FAM219A: variants seen among roughly 807,000 people sequenced by gnomAD.
FAM219A encodes the protein family with sequence similarity 219 member A.
Under a neutral mutation model 23.4 loss-of-function variants are expected in FAM219A, and 7 were observed. The observed-to-expected ratio is 0.30, with a 90% CI of 0.17 to 0.56. The LOEUF is 0.56. Among genes scored for constraint, FAM219A ranks in the 20% least tolerant of loss-of-function variants. The pLI is 0.92. For synonymous variants in FAM219A, 93 were observed against 99.0 expected, an observed-to-expected ratio of 0.94 and a Z score of 0.36; for missense variants, 166 against 246.9, an observed-to-expected ratio of 0.67 and a Z score of 2.20.
chr9:34,425,650 T>C (rs1008101314), intron 1 of FAM219A, among the ~76,000 whole-genome samples: 1 of 152,228 alleles, frequency 6.6e-6, no homozygotes, highest in African/African-American at 2.4e-5. Context: ...TTCTGTCTCC[T>C]GCATGCAAAC....
intron 1 of FAM219A, among the ~76,000 whole-genome samples, chr9:34,426,281 CTA>C (rs1172281552): frequency 6.6e-6 from 1 of 152,100 alleles, no homozygotes; most frequent in Non-Finnish European, 1.5e-5. Context: ...TGTCCTGTTC[CTA>C]TGTTTAGGAG....
intron 1 of FAM219A, among the ~76,000 whole-genome samples, chr9:34,415,145 G>T (rs1166323612): frequency 1.3e-5 from 2 of 151,512 alleles, no homozygotes; most frequent in Admixed American, 1.3e-4. Context: ...TTAGAGAGGG[G>T]GTCTCACTAT....
chr9:34,434,068 G>A (rs936122427), intron 1 of FAM219A, among the ~76,000 whole-genome samples: 40 of 152,172 alleles, frequency 2.6e-4, no homozygotes, highest in Admixed American at 5.2e-4. Flanking sequence ...TGGGTGTGGT[G>A]GCGGGCGTCT....
chr9:34,421,552 AG>A (rs1363501186), intron 1 of FAM219A, among the ~76,000 whole-genome samples: 1 of 152,018 alleles, frequency 6.6e-6, no homozygotes, highest in Non-Finnish European at 1.5e-5. Flanking sequence ...ATCAATAGGA[AG>A]GGGTACCACC....
Position 34,402,395 on chromosome 9 carries a change from G to A in FAM219A, c.336C>T (p.Asp112=). The part of the protein sequence containing the change: ...SPDEKPLVAL[D]TDSDDDFDMS... Reference sequence around the variant, plus strand: ...CAAGCCCCCATACACACCTGTCCGTGTCAAGGGCTACCAGTGGCTTCTCAT... The same window carrying A: ...CAAGCCCCCATACACACCTGTCCGTATCAAGGGCTACCAGTGGCTTCTCAT... The change falls in exon 4 of 6, where the codon GAC becomes GAT. Residue 112 remains aspartate, a synonymous_variant. Coordinates refer to ENST00000651358, the MANE Select transcript of FAM219A (RefSeq NM_001184940.2). 1 of 1,614,222 alleles carries A rather than the reference G, an allele frequency of 6.2e-7. No individual in the cohort carries two copies.
chr9:34,409,319 T>C (rs888573179), intron 1 of FAM219A, among the ~76,000 whole-genome samples: 1 of 152,228 alleles, frequency 6.6e-6, no homozygotes, highest in African/African-American at 2.4e-5. Context: ...AACCATTGCA[T>C]GGCAATGTAA....
At chr9:34,419,583 T>C (rs10972104) in intron 1 of FAM219A, among the ~76,000 whole-genome samples, 19,870 of 152,150 alleles carry the variant, frequency 0.13, 1,609 homozygotes, top group Non-Finnish European at 0.18. Context: ...TGGAGACTCC[T>C]TGAGAGCCCC....
At chr9:34,455,433 T>C (rs573058443) in intron 1 of FAM219A, among the ~76,000 whole-genome samples, 19 of 152,188 alleles carry the variant, frequency 1.2e-4, no homozygotes, top group Admixed American at 5.9e-4. Context: ...TGCCCTCTTT[T>C]TTGCCCTTTA....
chr9:34,445,988 A>G (rs879266810), intron 1 of FAM219A, among the ~76,000 whole-genome samples: 3 of 152,164 alleles, frequency 2.0e-5, no homozygotes, highest in Non-Finnish European at 4.4e-5. Flanking sequence ...CAGCCTAGCC[A>G]ACATGGTGAA....
chr9:34,420,700 C>T (rs1009341906), intron 1 of FAM219A, among the ~76,000 whole-genome samples: 3 of 151,936 alleles, frequency 2.0e-5, no homozygotes, highest in Non-Finnish European at 2.9e-5. Flanking sequence ...AAAGACCAGG[C>T]GTGGTGGCTC....
At chr9:34,402,857 T>G in intron 2 of FAM219A, 50 bp from the exon 3 acceptor site, 1 of 1,566,868 alleles carries the variant, frequency 6.4e-7, no homozygotes, top group South Asian at 1.1e-5. Flanking sequence ...GAGGCCACCC[T>G]GTCTTACTAC....
intron 1 of FAM219A, among the ~76,000 whole-genome samples, chr9:34,416,204 A>AT (rs1298521289): frequency 1.9e-5 from 2 of 107,066 alleles, no homozygotes. Context: ...AGAAAGAAAG[A>AT]AAGAAAGAAA....
At chr9:34,404,707 C>G (rs960151470) in intron 2 of FAM219A, among the ~76,000 whole-genome samples, 1 of 140,536 alleles carries the variant, frequency 7.1e-6, no homozygotes, top group Non-Finnish European at 1.6e-5. Flanking sequence ...GACTCTGTCT[C>G]AAAACAACAA....
intron 1 of FAM219A, among the ~76,000 whole-genome samples, chr9:34,422,814 T>C (rs1450610885): frequency 2.0e-5 from 3 of 152,226 alleles, no homozygotes; most frequent in Admixed American, 6.5e-5. Flanking sequence ...AATTCAGTTC[T>C]GGTCCTACAT....
In FAM219A at chr9:34,431,377, C is replaced by A. The variant is rs528878625; in HGVS notation, c.61-25413G>T. Reference sequence around the variant, plus strand: ...TGCTGCACACACACGGACACACACACAAACTCACACACGCATATACATGCA... The same window carrying A: ...TGCTGCACACACACGGACACACACAAAAACTCACACACGCATATACATGCA... On this transcript the variant is annotated intron_variant, in intron 1 of 5. Transcript: ENST00000651358. 9.2e-5 allele frequency among the ~76,000 whole-genome samples: 14 copies of A among 152,320 alleles called. No individual in the cohort carries two copies. In the South Asian group the frequency reaches 2.9e-3, roughly 32 times the overall value.
chr9:34,439,349 G>A (rs1302060275), intron 1 of FAM219A, among the ~76,000 whole-genome samples: 1 of 152,142 alleles, frequency 6.6e-6, no homozygotes, highest in African/African-American at 2.4e-5. Context: ...GAGACTAGAA[G>A]ACAATTCATT....
intron 1 of FAM219A, among the ~76,000 whole-genome samples, chr9:34,413,338 G>A (rs1425506137): frequency 6.6e-6 from 1 of 152,192 alleles, no homozygotes; most frequent in African/African-American, 2.4e-5. Flanking sequence ...GTTGGCCAGA[G>A]TGGAAGGAGA....
chr9:34,424,756 A>C (rs1240159253), intron 1 of FAM219A, among the ~76,000 whole-genome samples: 1 of 152,240 alleles, frequency 6.6e-6, no homozygotes, highest in African/African-American at 2.4e-5. Flanking sequence ...GTGAACATCC[A>C]GAGGGAGGCT....
At chr9:34,438,569 A>G (rs1054914245) in intron 1 of FAM219A, among the ~76,000 whole-genome samples, 10 of 152,216 alleles carry the variant, frequency 6.6e-5, no homozygotes, top group African/African-American at 2.4e-4. Flanking sequence ...TGTCTAGCTC[A>G]GGGATTGTAA....
Sources: allele counts gnomAD v4.1 joint callset (sites outside exome capture counted in the v4.1 genomes callset), GRCh38; gene constraint gnomAD v4.1.1; transcripts MANE v1.5; gene names NCBI Gene and HGNC (gene_info 2026-07-23, HGNC 2026-07-21).